AKIRIN1: variants seen among roughly 807,000 people sequenced by gnomAD.
AKIRIN1 encodes the protein akirin-1.
In AKIRIN1, 4 loss-of-function variants were observed where a neutral mutation model predicts 25.9. The ratio of observed to expected loss-of-function variants is 0.15; its 90% CI spans 0.08 to 0.35. AKIRIN1 has a LOEUF of 0.35. Ranked by LOEUF, AKIRIN1 falls within the 10% of genes least tolerant of loss-of-function variation. The pLI, the probability that AKIRIN1 is intolerant of heterozygous loss-of-function variation, is 1.00. For missense variants in AKIRIN1, 243 were observed against 266.1 expected (o/e 0.91, Z 0.61); for synonymous variants, 125 against 105.1 (o/e 1.19, Z -1.16).
intron 3 of AKIRIN1, among the ~76,000 whole-genome samples, chr1:39,001,339 C>T (rs1643990091): frequency 6.7e-6 from 1 of 148,456 alleles, no homozygotes; most frequent in African/African-American, 2.5e-5. Context: ...CAGGCTGACA[C>T]CACAACCTCC....
chr1:39,000,345 C>CTTTTTCT (rs1643980145), intron 2 of AKIRIN1, among the ~76,000 whole-genome samples: 1 of 128,316 alleles, frequency 7.8e-6, no homozygotes, highest in Admixed American at 8.5e-5. Context: ...TTTTCTTTTT[C>CTTTTTCT]TTTTTTTTTT....
rs1292007318 is a variant in AKIRIN1 at position 38,998,034 on chromosome 1, G to A, written c.221-137G>A. 3.3e-6 allele frequency: 3 copies of A among 907,758 alleles called. 1 individual carries two copies. The highest frequency in any genetic ancestry group is 3.7e-5 in the South Asian group (2 of 53,620). 56.2% of individuals were successfully genotyped at this position (907,758 alleles called of 1,614,324 possible). A position where few individuals can be genotyped will look rare whatever the true frequency, so the allele number is the denominator to read the frequency against. On this transcript the variant is annotated intron_variant, in intron 1 of 4. Transcript: ENST00000432648. Reference sequence around the variant, plus strand: ...CGTTTTGCTTGTTTATGTCGGGGGAGGGGGAGATTGAGACCTACATGCCAA... The same window carrying A: ...CGTTTTGCTTGTTTATGTCGGGGGAAGGGGAGATTGAGACCTACATGCCAA...
rs1350436570 is a variant in AKIRIN1 at position 39,005,723 on chromosome 1, A to T, written c.*1668A>T. On this transcript the variant is annotated 3_prime_UTR_variant, in exon 5 of 5. Transcript: ENST00000432648. ...ATATTCAGAGACAGTTGTTGTGATC[A>T]GATGGCTTAGAGAAATTTCTGGAAT... is the stretch of plus-strand genomic sequence containing the variant. 6.6e-6 allele frequency: 1 copy of T among 152,252 alleles called. No homozygotes were observed. The highest frequency in any genetic ancestry group is 1.5e-5 in the Non-Finnish European group (1 of 68,044). 9.4% of individuals were successfully genotyped at this position (152,252 alleles called of 1,614,324 possible).
chr1:38,996,013 G>A (rs1489213888), intron 1 of AKIRIN1, among the ~76,000 whole-genome samples: 2 of 152,132 alleles, frequency 1.3e-5, no homozygotes, highest in South Asian at 2.1e-4. Context: ...CAGCCTGGGC[G>A]ACAGGGTAAG....
At chr1:38,997,006 T>G (rs373664040) in intron 1 of AKIRIN1, among the ~76,000 whole-genome samples, 4 of 152,192 alleles carry the variant, frequency 2.6e-5, no homozygotes, top group Admixed American at 6.5e-5. Context: ...CAGGTAGGTA[T>G]TTAATGTTTA....
intron 1 of AKIRIN1, among the ~76,000 whole-genome samples, chr1:38,991,825 G>A (rs1643908329): frequency 6.6e-6 from 1 of 152,134 alleles, no homozygotes; most frequent in African/African-American, 2.4e-5. Context: ...CCTGGGGGAG[G>A]AGAGCCTGGA....
rs1294502074 is a variant in AKIRIN1, at chr1:39,005,593, A to G, written c.*1538A>G. The stretch of plus-strand genomic sequence containing the variant: ...TGTTTCTGGAAAGGAAAGTTCTATT[A>G]ATATTGTTTTACTTTGAATATAGAA... On this transcript the variant is annotated 3_prime_UTR_variant, in exon 5 of 5. Transcript: ENST00000432648. 1 of 152,192 alleles carries G rather than the reference A, an allele frequency of 6.6e-6. No homozygotes were observed. Among genetic ancestry groups the G allele is most frequent in the Non-Finnish European group, 1.5e-5 (1 of 68,030 alleles). 9.4% of individuals were successfully genotyped at this position (152,192 alleles called of 1,614,324 possible).
chr1:38,994,047 G>T (rs1391067003), intron 1 of AKIRIN1, among the ~76,000 whole-genome samples: 1 of 151,212 alleles, frequency 6.6e-6, no homozygotes, highest in African/African-American at 2.4e-5. Flanking sequence ...TCCATCCTGG[G>T]TGACAAGAGT....
At chr1:38,992,825 T>G (rs1643918316) in intron 1 of AKIRIN1, among the ~76,000 whole-genome samples, 1 of 152,150 alleles carries the variant, frequency 6.6e-6, no homozygotes, top group Admixed American at 6.5e-5. Flanking sequence ...CCCTTCTATT[T>G]GCTAATCCCA....
rs1336245539 is a variant in AKIRIN1, at chr1:39,005,940, T to A, written c.*1885T>A. The A allele has an allele frequency of 6.6e-6, 1 of 152,210 alleles. No homozygotes were observed. Among genetic ancestry groups the A allele is most frequent in the Non-Finnish European group, 1.5e-5 (1 of 68,034 alleles). The allele number at this position is 152,210 out of a possible 1,614,324, so 9.4% of individuals were successfully genotyped here. ...AATGTTTATTAATTCAAATAACTTA[T>A]GTGAGAGCTGCTATAACCATTTCCC... On this transcript the variant is annotated 3_prime_UTR_variant, in exon 5 of 5. Coordinates refer to ENST00000432648, the MANE Select transcript of AKIRIN1 (RefSeq NM_024595.3).
In AKIRIN1 at chr1:39,003,317, T is replaced by A. The variant is rs368224141; in HGVS notation, c.497-30T>A. 3.1e-6 allele frequency: 5 copies of A among 1,601,842 alleles called. No homozygotes were observed. In the African/African-American group the frequency reaches 6.7e-5, roughly 21 times the overall value. On this transcript the variant is annotated intron_variant, in intron 3 of 4. Coordinates refer to ENST00000432648, the MANE Select transcript of AKIRIN1 (RefSeq NM_024595.3). ...TTCTTAAAAATTGAGGGAGAGTTGCTGAGGATAAGTATGTACTGTCTTCTC... is the reference window on the plus strand; with the variant it reads ...TTCTTAAAAATTGAGGGAGAGTTGCAGAGGATAAGTATGTACTGTCTTCTC...
intron 2 of AKIRIN1, 21 bp from the exon 3 acceptor site, chr1:39,000,951 C>G (rs776677369): frequency 6.2e-7 from 1 of 1,603,126 alleles, no homozygotes; most frequent in Non-Finnish European, 8.5e-7. Context: ...CTGGCCCAAA[C>G]TCACTTTTTC....
In AKIRIN1 at chr1:39,004,174, GT is replaced by G. The variant is rs1441106556; in HGVS notation, c.*122del. Reference sequence around the variant, plus strand: ...CTTTGCATCCTGAGAACACTTAAACGTTTCTGCAGGTCCATTTTATACAACT... The same window carrying G: ...CTTTGCATCCTGAGAACACTTAAACGTTCTGCAGGTCCATTTTATACAACT... On this transcript the variant is annotated 3_prime_UTR_variant, in exon 5 of 5. Transcript: ENST00000432648. 3 of 1,080,960 alleles carry G rather than the reference GT, an allele frequency of 2.8e-6. No homozygotes were observed. The highest frequency in any genetic ancestry group is 1.3e-5 in the South Asian group (1 of 79,546). 67.0% of individuals were successfully genotyped at this position (1,080,960 alleles called of 1,614,324 possible).
intron 4 of AKIRIN1, among the ~76,000 whole-genome samples, chr1:39,003,777 A>G (rs1234389832): frequency 6.6e-6 from 1 of 152,212 alleles, no homozygotes; most frequent in Non-Finnish European, 1.5e-5. Flanking sequence ...ATGAAAGTTG[A>G]TTCCTTAAGT....
chr1:39,004,502 G>T lies in AKIRIN1; in HGVS notation c.*447G>T. ...TGTGAATTTGGTGCACGACAATTAT[G>T]GTAAAAAAACATTTGCTTGGTCTAA... On this transcript the variant is annotated 3_prime_UTR_variant, in exon 5 of 5. Coordinates refer to ENST00000432648, the MANE Select transcript of AKIRIN1 (RefSeq NM_024595.3). 2 of 268,862 alleles carry T rather than the reference G, an allele frequency of 7.4e-6. No homozygotes were observed. The highest frequency in any genetic ancestry group is 3.7e-5 in the South Asian group (1 of 26,754). 16.7% of individuals were successfully genotyped at this position (268,862 alleles called of 1,614,324 possible).
intron 1 of AKIRIN1, among the ~76,000 whole-genome samples, chr1:38,996,495 G>A (rs960115834): frequency 1.3e-5 from 2 of 151,740 alleles, no homozygotes; most frequent in Non-Finnish European, 2.9e-5. Flanking sequence ...GAGCCACAGT[G>A]CCTGGCCCAT....
rs574293996 is a variant in AKIRIN1, at chr1:39,004,228, C to G, written c.*173C>G. The G allele has an allele frequency of 2.7e-6, 2 of 749,582 alleles. No individual in the cohort carries two copies. Among genetic ancestry groups the G allele is most frequent in the African/African-American group, 1.7e-5 (1 of 58,304 alleles). 46.4% of individuals were successfully genotyped at this position (749,582 alleles called of 1,614,324 possible). On this transcript the variant is annotated 3_prime_UTR_variant, in exon 5 of 5. Transcript: ENST00000432648. Reference sequence around the variant, plus strand: ...AAAGACCGTAAAACTTTCTGGTTGCCACAAGCATATCTTTCTTTTCTGCTC... The same window carrying G: ...AAAGACCGTAAAACTTTCTGGTTGCGACAAGCATATCTTTCTTTTCTGCTC...
intron 2 of AKIRIN1, among the ~76,000 whole-genome samples, chr1:39,000,645 G>A (rs917792728): frequency 4.0e-5 from 6 of 150,424 alleles, no homozygotes; most frequent in Non-Finnish European, 7.4e-5. Context: ...CACTGCGCCC[G>A]GCCTTTTTTT....
At chr1:38,994,085 G>C (rs1157921840) in intron 1 of AKIRIN1, among the ~76,000 whole-genome samples, 1 of 149,968 alleles carries the variant, frequency 6.7e-6, no homozygotes, top group Admixed American at 6.6e-5. Context: ...AAAAAAAAAA[G>C]CTAAAAAATT....
Sources: gnomAD v4.1 joint callset for allele counts (sites outside exome capture counted in the v4.1 genomes callset) on GRCh38, gnomAD v4.1.1 for gene constraint, MANE v1.5 for transcripts, NCBI Gene and HGNC (gene_info 2026-07-23, HGNC 2026-07-21) for gene names.